Variants in SLC8A1 observed in about 807,000 individuals in gnomAD.
SLC8A1 encodes sodium/calcium exchanger 1.
In SLC8A1, 18 loss-of-function variants were observed where a neutral mutation model predicts 68.3. The ratio of observed to expected loss-of-function variants is 0.26; its 90% confidence interval spans 0.18 to 0.39. The LOEUF is 0.39. SLC8A1 is among the 10% of genes least tolerant of loss of function. SLC8A1 has a pLI of 1.00. For synonymous variants in SLC8A1, 475 were observed against 415.5 expected (o/e 1.14, Z -1.74); for missense variants, 985 against 1,156.7 (o/e 0.85, Z 2.15).
At chr2:40,182,136 C>T (rs551738680) in intron 2 of SLC8A1, among the ~76,000 whole-genome samples, 78 of 152,254 alleles carry the variant, frequency 5.1e-4, no homozygotes, top group Non-Finnish European at 9.1e-4. Context: ...TGTTTACCAA[C>T]GGGAAACATA....
At chr2:40,428,452 C>CAT (rs200474817) in intron 2 of SLC8A1, 21 bp downstream of exon 2, 4 of 1,479,136 alleles carry the variant, frequency 2.7e-6, no homozygotes, top group East Asian at 2.3e-5. Flanking sequence ...CACACACACA[C>CAT]ATATATAATA....
intron 2 of SLC8A1, among the ~76,000 whole-genome samples, chr2:40,279,487 G>A (rs1233799987): frequency 1.3e-5 from 2 of 152,114 alleles, no homozygotes; most frequent in African/African-American, 4.8e-5. Context: ...ATATCAATTT[G>A]GGGCACTGTG....
chr2:40,341,737 T>G (rs1406048205), intron 2 of SLC8A1, among the ~76,000 whole-genome samples: 1 of 152,190 alleles, frequency 6.6e-6, no homozygotes, highest in African/African-American at 2.4e-5. Flanking sequence ...TTTTAAACTC[T>G]GGGGTTCTAC....
chr2:40,373,068 T>G (rs370599646), intron 2 of SLC8A1, among the ~76,000 whole-genome samples: 4 of 152,118 alleles, frequency 2.6e-5, no homozygotes, highest in African/African-American at 9.6e-5. Context: ...TAGCCATAAA[T>G]TGAAGAAAGA....
At chr2:40,501,275 T>C (rs1487475319) in intron 1 of SLC8A1, among the ~76,000 whole-genome samples, 5 of 152,112 alleles carry the variant, frequency 3.3e-5, no homozygotes, top group East Asian at 1.9e-4. Context: ...GTTTGAGTTA[T>C]ATATCAAACA....
chr2:40,098,584 C>T (rs377723990), exon 8 of SLC8A1: 66 of 151,836 alleles, frequency 4.3e-4, no homozygotes, highest in African/African-American at 1.5e-3. Context: ...AATGTTGGTG[C>T]CTTTAATTTG....
At chr2:40,430,677 T>C (rs1237556221) in intron 1 of SLC8A1, among the ~76,000 whole-genome samples, 1 of 152,192 alleles carries the variant, frequency 6.6e-6, no homozygotes, top group Non-Finnish European at 1.5e-5. Context: ...CACAGGACTT[T>C]TGAAGCATTA....
intron 2 of SLC8A1, among the ~76,000 whole-genome samples, chr2:40,368,526 G>T (rs142373922): frequency 6.6e-6 from 1 of 151,798 alleles, no homozygotes; most frequent in Non-Finnish European, 1.5e-5. Context: ...GGGATTTACT[G>T]ATTTTATTTA....
At chr2:40,327,492 T>A (rs34512805) in intron 2 of SLC8A1, among the ~76,000 whole-genome samples, 34,644 of 152,154 alleles carry the variant, frequency 0.23, 4,725 homozygotes, top group East Asian at 0.38. Context: ...GTTGTGAGCA[T>A]GTTCTTTCTG....
At chr2:40,117,988 A>C (rs1033357681) in intron 7 of SLC8A1, among the ~76,000 whole-genome samples, 1 of 152,192 alleles carries the variant, frequency 6.6e-6, no homozygotes, top group Non-Finnish European at 1.5e-5. Context: ...CCTATCATCA[A>C]TTCTGCCCTC....
In SLC8A1 at chr2:40,205,162, T is replaced by G. The variant is rs1416878218; in HGVS notation, c.1809-27307A>C. On this transcript the variant is annotated intron_variant, in intron 2 of 7. Transcript: ENST00000406785. ...ACATGCATAAGTATGTGAGGTAATG[T>G]ATAATTATTAATAGCTCAATTTAGC... is the stretch of plus-strand genomic sequence containing the variant. Among the ~76,000 whole-genome samples the G allele has an allele frequency of 2.0e-5, 3 of 152,066 alleles. No individual in the cohort carries two copies. The East Asian group carries it at 5.8e-4, about 29-fold the overall frequency.
At chr2:40,228,229 A>T (rs2059227540) in intron 2 of SLC8A1, among the ~76,000 whole-genome samples, 1 of 152,198 alleles carries the variant, frequency 6.6e-6, no homozygotes, top group African/African-American at 2.4e-5. Context: ...CATCATATAC[A>T]TAATATTTTT....
intron 2 of SLC8A1, among the ~76,000 whole-genome samples, chr2:40,407,635 T>G (rs1690785640): frequency 1.3e-5 from 2 of 152,236 alleles, no homozygotes; most frequent in Admixed American, 1.3e-4. Context: ...CCACAGCTCT[T>G]GGTGCACTGC....
intron 2 of SLC8A1, among the ~76,000 whole-genome samples, chr2:40,355,634 A>T (rs921782991): frequency 6.6e-6 from 1 of 152,064 alleles, no homozygotes; most frequent in African/African-American, 2.4e-5. Flanking sequence ...CCATCTAGGG[A>T]GTGGTTTACC....
chr2:40,429,172 C>T (rs1180887630), exon 2 of SLC8A1: 6 of 1,613,426 alleles, frequency 3.7e-6, no homozygotes, highest in Admixed American at 1.7e-5. Context: ...AGTCATGAGG[C>T]GAGTAGCTTG....
intron 2 of SLC8A1, among the ~76,000 whole-genome samples, chr2:40,331,617 G>C (rs762864614): frequency 1.3e-5 from 2 of 150,018 alleles, no homozygotes; most frequent in Non-Finnish European, 3.0e-5. Flanking sequence ...TTTTTGAGAC[G>C]GAGTCTCGCT....
intron 6 of SLC8A1, among the ~76,000 whole-genome samples, chr2:40,154,932 C>G (rs2044187290): frequency 6.6e-6 from 1 of 152,112 alleles, no homozygotes; most frequent in Non-Finnish European, 1.5e-5. Context: ...GTTCTACCTA[C>G]TTTTGCTCAT....
At chr2:40,472,355 T>C (rs1400547417) in intron 1 of SLC8A1, among the ~76,000 whole-genome samples, 2 of 152,180 alleles carry the variant, frequency 1.3e-5, no homozygotes, top group East Asian at 3.9e-4. Flanking sequence ...GAGTTGGAGA[T>C]GACATGAGAA....
intron 4 of SLC8A1, among the ~76,000 whole-genome samples, chr2:40,169,749 T>C (rs2047133091): frequency 6.6e-6 from 1 of 152,098 alleles, no homozygotes; most frequent in Non-Finnish European, 1.5e-5. Context: ...CAGACCAGCC[T>C]GGGCCACATG....
Sources: allele counts gnomAD v4.1 joint callset (sites outside exome capture counted in the v4.1 genomes callset), GRCh38; gene constraint gnomAD v4.1.1; transcripts MANE v1.5; gene names NCBI Gene and HGNC (gene_info 2026-07-23, HGNC 2026-07-21).